Variants in PHACTR1 observed in about 807,000 individuals in gnomAD.
PHACTR1 encodes phosphatase and actin regulator 1, also known as RPEL repeat containing 1.
A neutral mutation model predicts 69.2 loss-of-function variants in PHACTR1; 16 were observed. The observed-to-expected ratio is 0.23, with a 90% confidence interval of 0.16 to 0.35. PHACTR1 has a LOEUF of 0.35. PHACTR1 is among the 10% of genes least tolerant of loss of function. PHACTR1 has a pLI of 1.00. For synonymous variants in PHACTR1, 312 were observed against 284.5 expected (o/e 1.10, Z -0.97); for missense variants, 510 against 734.7 (o/e 0.69, Z 3.54).
intron 10 of PHACTR1, among the ~76,000 whole-genome samples, chr6:13,252,054 T>TAAA (rs551938563): frequency 7.4e-6 from 1 of 134,774 alleles, no homozygotes; most frequent in Non-Finnish European, 1.6e-5. Context: ...GATCCTGCCT[T>TAAA]AAAAAAAAAA....
intron 5 of PHACTR1, among the ~76,000 whole-genome samples, chr6:13,133,242 CCTTT>C (rs1561876467): frequency 2.0e-5 from 1 of 49,096 alleles, no homozygotes; most frequent in Non-Finnish European, 3.9e-5. Context: ...TCTCCCTCTC[CCTTT>C]CCCTCTCCCT....
At position 13,193,357 on chromosome 6, in the gene PHACTR1, G is replaced by GTATATATATATATATATATATATATATA. The variant is rs56305254; in HGVS notation, c.664+10672_664+10699dup. On this transcript the variant is annotated intron_variant, in intron 7 of 14. Coordinates refer to ENST00000332995, the MANE Select transcript of PHACTR1 (RefSeq NM_030948.6). ...ATTCTACCTCTTAATAGCTCTCTGT[G>GTATATATATATATATATATATATATATA]TATATATATATATATATATATATAT... Among the ~76,000 whole-genome samples the GTATATATATATATATATATATATATATA allele has an allele frequency of 6.4e-3, 436 of 67,994 alleles. 57 individuals are homozygous for GTATATATATATATATATATATATATATA. Among genetic ancestry groups the GTATATATATATATATATATATATATATA allele is most frequent in the Non-Finnish European group, 0.01 (304 of 29,260 alleles). The allele number at this position is 67,994 out of a possible 152,430, so 44.6% of individuals were successfully genotyped here. A position where few individuals can be genotyped will look rare whatever the true frequency, so the allele number is the denominator to read the frequency against.
intron 4 of PHACTR1, among the ~76,000 whole-genome samples, chr6:12,894,610 A>G (rs994657491): frequency 6.6e-6 from 1 of 152,346 alleles, no homozygotes; most frequent in Non-Finnish European, 1.5e-5. Context: ...TTCTGAAAAA[A>G]GAAACAAAAA....
At chr6:12,966,176 G>A (rs1191291794) in intron 4 of PHACTR1, among the ~76,000 whole-genome samples, 2 of 152,102 alleles carry the variant, frequency 1.3e-5, no homozygotes, top group Non-Finnish European at 2.9e-5. Context: ...TTGCAGGGAG[G>A]GTAGGAAGCA....
intron 4 of PHACTR1, among the ~76,000 whole-genome samples, chr6:12,936,024 A>G (rs1789408768): frequency 6.6e-6 from 1 of 150,800 alleles, no homozygotes; most frequent in African/African-American, 2.5e-5. Context: ...GCTACTGCCT[A>G]ATGATTTCAG....
chr6:13,286,931 T>C, intron 14 of PHACTR1, 132 bp from the exon 15 acceptor site: 1 of 935,136 alleles, frequency 1.1e-6, no homozygotes, highest in Non-Finnish European at 1.6e-6. Context: ...GTGGTACTCC[T>C]GTGGGGATGA....
intron 4 of PHACTR1, among the ~76,000 whole-genome samples, chr6:13,052,214 A>G (rs1297865196): frequency 2.0e-5 from 3 of 152,212 alleles, no homozygotes; most frequent in African/African-American, 4.8e-5. Flanking sequence ...TCTGTCACCA[A>G]TACAACTGCC....
intron 8 of PHACTR1, 57 bp downstream of exon 8, chr6:13,206,193 G>A: frequency 6.9e-7 from 1 of 1,455,832 alleles, no homozygotes; most frequent in Admixed American, 2.1e-5. Flanking sequence ...GGGGAGGGGG[G>A]CCTAGGGATT....
chr6:12,873,370 A>C (rs1233896765), intron 4 of PHACTR1, among the ~76,000 whole-genome samples: 3 of 152,036 alleles, frequency 2.0e-5, no homozygotes, highest in African/African-American at 7.3e-5. Flanking sequence ...AAAAGCAATA[A>C]ACATTTATCA....
At chr6:13,190,042 T>TTAA (rs1554150971) in intron 7 of PHACTR1, among the ~76,000 whole-genome samples, 1 of 146,582 alleles carries the variant, frequency 6.8e-6, no homozygotes. Context: ...TTTTTTTTTT[T>TTAA]AAAACAGTTT....
chr6:13,258,334 G>A (rs1303045712), intron 10 of PHACTR1, among the ~76,000 whole-genome samples: 6 of 147,248 alleles, frequency 4.1e-5, no homozygotes, highest in South Asian at 2.2e-4. Flanking sequence ...CAGCCTCGGC[G>A]ACAGAGAGAG....
intron 5 of PHACTR1, among the ~76,000 whole-genome samples, chr6:13,147,895 A>C (rs182451821): frequency 1.3e-5 from 2 of 152,340 alleles, no homozygotes; most frequent in African/African-American, 4.8e-5. Flanking sequence ...CCACTGCCCA[A>C]GTCAAAAAAA....
intron 4 of PHACTR1, among the ~76,000 whole-genome samples, chr6:12,908,679 T>C (rs1562000880): frequency 6.6e-6 from 1 of 152,098 alleles, no homozygotes; most frequent in Non-Finnish European, 1.5e-5. Context: ...CCAGCCTCTG[T>C]GTGGTCCTCC....
At chr6:12,727,974 A>C (rs1763009437) in intron 3 of PHACTR1, among the ~76,000 whole-genome samples, 2 of 152,188 alleles carry the variant, frequency 1.3e-5, no homozygotes, top group Admixed American at 1.3e-4. Context: ...TCAATCATAA[A>C]AGCAAAGCAA....
chr6:12,870,624 A>T (rs1023913485), intron 4 of PHACTR1, among the ~76,000 whole-genome samples: 3 of 152,240 alleles, frequency 2.0e-5, no homozygotes, highest in African/African-American at 7.2e-5. Flanking sequence ...ATAATTGCAC[A>T]TATACAGATA....
chr6:13,051,371 T>G (rs1036608403), intron 4 of PHACTR1, among the ~76,000 whole-genome samples: 6 of 152,156 alleles, frequency 3.9e-5, no homozygotes, highest in Non-Finnish European at 7.4e-5. Context: ...AATACCAGTT[T>G]CCCATTTTCA....
intron 4 of PHACTR1, among the ~76,000 whole-genome samples, chr6:12,998,593 G>C (rs1797702950): frequency 6.9e-6 from 1 of 145,910 alleles, no homozygotes; most frequent in Non-Finnish European, 1.5e-5. Flanking sequence ...TCTGGCCTGG[G>C]CGACACAGCA....
At chr6:13,271,165 T>C (rs1268340640) in intron 10 of PHACTR1, among the ~76,000 whole-genome samples, 2 of 152,036 alleles carry the variant, frequency 1.3e-5, no homozygotes, top group African/African-American at 4.8e-5. Flanking sequence ...TGTGCCACCA[T>C]GCCCGGCTAA....
chr6:12,929,355 G>A (rs1050617077), intron 4 of PHACTR1, among the ~76,000 whole-genome samples: 2 of 152,040 alleles, frequency 1.3e-5, no homozygotes, highest in African/African-American at 2.4e-5. Flanking sequence ...ACGTTCACCC[G>A]AATCTCTGTT....
Sources: gnomAD v4.1 joint callset for allele counts (sites outside exome capture counted in the v4.1 genomes callset) on GRCh38, gnomAD v4.1.1 for gene constraint, MANE v1.5 for transcripts, NCBI Gene and HGNC (gene_info 2026-07-23, HGNC 2026-07-21) for gene names.